The following DZIP1 variants were observed in gnomAD, a reference collection of about 807,000 sequenced individuals.
The protein encoded by DZIP1 is cilium assembly protein DZIP1.
DZIP1 carries 97 observed loss-of-function variants against 107.6 expected under a neutral mutation model. That is an observed-to-expected ratio of 0.90 (90% CI 0.77 to 1.07). The LOEUF (loss-of-function observed/expected upper bound fraction) is 1.07. DZIP1 is among the 50% of genes least tolerant of loss of function. DZIP1 has a pLI of 0.00. For missense variants in DZIP1, 1,035 were observed against 1,063.6 expected, an observed-to-expected ratio of 0.97 and a Z score of 0.37; for synonymous variants, 390 against 386.4, an observed-to-expected ratio of 1.01 and a Z score of -0.11.
At chr13:95,612,208 G>C (rs771545609) in intron 10 of DZIP1, 31 bp from the exon 11 acceptor site, 1 of 1,598,176 alleles carries the variant, frequency 6.3e-7, no homozygotes, top group African/African-American at 1.3e-5. Flanking sequence ...GCATCCATCT[G>C]TAAGCTGCAT....
At position 95,642,114 on chromosome 13, in the gene DZIP1, G is replaced by C; in HGVS notation, c.-85C>G. The C allele has an allele frequency of 7.0e-7, 1 of 1,423,770 alleles. No homozygotes were observed. The highest frequency in any genetic ancestry group is 9.1e-7 in the Non-Finnish European group (1 of 1,093,774). 88.2% of individuals were successfully genotyped at this position (1,423,770 alleles called of 1,614,324 possible). ...GCCCTCAGGAGCGGGAGAAGGCCGG[G>C]TTCCTCGCTTCCGCGGCGGCGGCGG... On this transcript the variant is annotated 5_prime_UTR_variant, in exon 4 of 23. Coordinates refer to ENST00000376829, the MANE Select transcript of DZIP1 (RefSeq NM_198968.4).
chr13:95,620,703 T>C (rs1376052691), intron 9 of DZIP1, among the ~76,000 whole-genome samples: 1 of 152,250 alleles, frequency 6.6e-6, no homozygotes, highest in African/African-American at 2.4e-5. Context: ...AACACTTTAT[T>C]TGCAAAAGGA....
chr13:95,589,547 T>C (rs1467098525), intron 18 of DZIP1, among the ~76,000 whole-genome samples: 1 of 152,200 alleles, frequency 6.6e-6, no homozygotes, highest in Admixed American at 6.5e-5. Context: ...GATTGGTGCC[T>C]TATAAGAAGA....
intron 14 of DZIP1, among the ~76,000 whole-genome samples, chr13:95,602,519 C>T (rs1056327769): frequency 1.3e-5 from 2 of 152,192 alleles, no homozygotes; most frequent in Non-Finnish European, 2.9e-5. Flanking sequence ...CTCTGTCATG[C>T]AGGAGTGGTC....
chr13:95,598,816 G>A (rs1050024154), intron 15 of DZIP1, among the ~76,000 whole-genome samples: 1 of 152,078 alleles, frequency 6.6e-6, no homozygotes, highest in Non-Finnish European at 1.5e-5. Context: ...ACTATCAAAT[G>A]AAATGAGTAA....
chr13:95,608,105 G>A (rs2044840483), intron 13 of DZIP1, among the ~76,000 whole-genome samples: 1 of 152,120 alleles, frequency 6.6e-6, no homozygotes, highest in African/African-American at 2.4e-5. Flanking sequence ...AAGAGGAATG[G>A]GACAAGCCAG....
intron 11 of DZIP1, 86 bp from the exon 12 acceptor site, chr13:95,611,579 T>C (rs980280527): frequency 8.9e-7 from 1 of 1,118,632 alleles, no homozygotes; most frequent in Non-Finnish European, 1.3e-6. Context: ...ATGTTGTTAG[T>C]AAATTAACCT....
At chr13:95,609,612 A>G in intron 12 of DZIP1, 99 bp from the exon 13 acceptor site, 2 of 752,676 alleles carry the variant, frequency 2.7e-6, no homozygotes, top group Non-Finnish European at 4.1e-6. Context: ...AAAAACATAA[A>G]TGAAATGTAC....
intron 10 of DZIP1, 109 bp downstream of exon 10, chr13:95,619,776 A>C (rs1384824241): frequency 9.3e-7 from 1 of 1,069,944 alleles, no homozygotes. Flanking sequence ...TTTGCTACAC[A>C]TTTCTCCCCA....
chr13:95,582,858 T>G (rs1405419975), intron 22 of DZIP1, among the ~76,000 whole-genome samples: 2 of 152,164 alleles, frequency 1.3e-5, no homozygotes, highest in Non-Finnish European at 2.9e-5. Context: ...GGCACAGGTT[T>G]ATGATGTTGG....
chr13:95,621,665 A>AGTGTGT (rs3051402), intron 9 of DZIP1, among the ~76,000 whole-genome samples: 11,021 of 123,258 alleles, frequency 0.089, 635 homozygotes, highest in South Asian at 0.14. Context: ...ACCAGTTAGC[A>AGTGTGT]GTGTGTGTGT....
chr13:95,582,177 A>C lies in DZIP1; in HGVS notation c.*57T>G, dbSNP rs1254261838. The C allele has an allele frequency of 2.6e-6, 4 of 1,553,476 alleles. No homozygotes were observed. The highest frequency in any genetic ancestry group is 3.6e-6 in the Non-Finnish European group (4 of 1,125,474). On this transcript the variant is annotated 3_prime_UTR_variant, in exon 23 of 23. Coordinates refer to ENST00000376829, the MANE Select transcript of DZIP1 (RefSeq NM_198968.4). ...CTAGAATCATGGAGGCAAATTACTG[A>C]AACACTGTGATACTGAAATACTGCT...
chr13:95,589,278 G>C (rs2044246558), intron 18 of DZIP1, 71 bp from the exon 19 acceptor site: 2 of 1,284,664 alleles, frequency 1.6e-6, no homozygotes, highest in Non-Finnish European at 2.2e-6. Context: ...CATTTCTATG[G>C]AACTGGTGAT....
chr13:95,606,902 T>C (rs2044796932), intron 13 of DZIP1, among the ~76,000 whole-genome samples: 1 of 152,204 alleles, frequency 6.6e-6, no homozygotes, highest in Non-Finnish European at 1.5e-5. Context: ...TATCTGAAAG[T>C]CCTCTCTGGA....
intron 19 of DZIP1, chr13:95,588,125 G>T (rs1047718641): frequency 1.9e-5 from 3 of 157,758 alleles, no homozygotes; most frequent in African/African-American, 7.2e-5. Context: ...CTTGCAAAGA[G>T]CTTTTACATA....
intron 17 of DZIP1, 58 bp from the exon 18 acceptor site, chr13:95,589,990 C>T: frequency 6.3e-7 from 1 of 1,584,874 alleles, no homozygotes; most frequent in South Asian, 1.2e-5. Flanking sequence ...AAGTGAAAAG[C>T]AAAGGTAAAC....
intron 8 of DZIP1, among the ~76,000 whole-genome samples, chr13:95,623,798 G>A (rs886635623): frequency 2.6e-5 from 4 of 152,152 alleles, no homozygotes; most frequent in African/African-American, 9.7e-5. Context: ...AATTAGCTGG[G>A]TGTGGTGGCA....
chr13:95,599,699 A>C (rs1299485907), intron 14 of DZIP1, among the ~76,000 whole-genome samples: 1 of 152,212 alleles, frequency 6.6e-6, no homozygotes, highest in Admixed American at 6.5e-5. Context: ...AACCTAGTAC[A>C]CGGTAGCCTT....
chr13:95,618,976 G>C (rs1484635842), intron 10 of DZIP1, among the ~76,000 whole-genome samples: 1 of 152,162 alleles, frequency 6.6e-6, no homozygotes, highest in African/African-American at 2.4e-5. Flanking sequence ...ATGTACTCAG[G>C]TGAAAGAGAA....
Sources: gnomAD v4.1 joint callset for allele counts (sites outside exome capture counted in the v4.1 genomes callset) on GRCh38, gnomAD v4.1.1 for gene constraint, MANE v1.5 for transcripts, NCBI Gene and HGNC (gene_info 2026-07-23, HGNC 2026-07-21) for gene names.